Variants in ADARB2 observed in about 807,000 individuals in gnomAD.
ADARB2 encodes the protein inactive double-stranded RNA-specific editase B2.
A neutral mutation model predicts 62.2 loss-of-function variants in ADARB2; 25 were observed. That is an observed-to-expected ratio of 0.40 (90% confidence interval 0.29 to 0.56). ADARB2 has a LOEUF of 0.56. ADARB2 is among the 20% of genes least tolerant of loss of function. The pLI is 0.43. For synonymous variants in ADARB2, 572 were observed against 500.8 expected (o/e 1.14, Z -1.90); for missense variants, 1,071 against 1,077.4 (o/e 0.99, Z 0.08).
chr10:1,727,728 T>C (rs1835184487), intron 1 of ADARB2, among the ~76,000 whole-genome samples: 1 of 152,208 alleles, frequency 6.6e-6, no homozygotes, highest in African/African-American at 2.4e-5. Flanking sequence ...AGGTTATTTT[T>C]GTTCCCTGTT....
intron 1 of ADARB2, among the ~76,000 whole-genome samples, chr10:1,437,986 A>G (rs1830853440): frequency 6.6e-6 from 1 of 152,126 alleles, no homozygotes; most frequent in Admixed American, 6.5e-5. Context: ...GACCCCGTTT[A>G]CTCATGAGAA....
intron 1 of ADARB2, among the ~76,000 whole-genome samples, chr10:1,734,153 C>T (rs1835270305): frequency 1.3e-5 from 2 of 152,008 alleles, no homozygotes; most frequent in Non-Finnish European, 2.9e-5. Flanking sequence ...CAAAATTGTA[C>T]AACACTAGGT....
rs148189638 is a variant in ADARB2, at chr10:1,657,001, T to TTTTG, written c.100+80049_100+80050insCAAA. Among the ~76,000 whole-genome samples, 57 of 148,712 alleles carry TTTTG rather than the reference T, an allele frequency of 3.8e-4. 1 individual carries two copies. Among genetic ancestry groups the TTTTG allele is most frequent in the Non-Finnish European group, 7.2e-4 (48 of 67,108 alleles). On this transcript the variant is annotated intron_variant, in intron 1 of 9. Coordinates refer to ENST00000381312, the MANE Select transcript of ADARB2 (RefSeq NM_018702.4). ...AAAGCAGTGGTACCCATCTAGTGTT[T>TTTTG]TGTGTGTGTGTGTGTGTGTGTGTGT...
chr10:1,579,419 T>C (rs184471971), intron 1 of ADARB2, among the ~76,000 whole-genome samples: 146 of 152,316 alleles, frequency 9.6e-4, no homozygotes, highest in African/African-American at 3.3e-3. Context: ...AACAGCAAGT[T>C]AATCATCAGT....
chr10:1,466,549 C>T (rs1160330001), intron 1 of ADARB2, among the ~76,000 whole-genome samples: 1 of 152,156 alleles, frequency 6.6e-6, no homozygotes, highest in Non-Finnish European at 1.5e-5. Context: ...GGGAACCTCA[C>T]CTAGTGGCTA....
chr10:1,552,320 G>C (rs987809780), intron 1 of ADARB2, among the ~76,000 whole-genome samples: 1 of 152,228 alleles, frequency 6.6e-6, no homozygotes, highest in Non-Finnish European at 1.5e-5. Context: ...TCTCTGGCTA[G>C]TTTGGGGCCC....
At chr10:1,615,359 C>T (rs767975461) in intron 1 of ADARB2, among the ~76,000 whole-genome samples, 8 of 152,222 alleles carry the variant, frequency 5.3e-5, no homozygotes, top group Non-Finnish European at 1.0e-4. Flanking sequence ...CTGGGCATCC[C>T]CTCCAGCCCA....
intron 1 of ADARB2, among the ~76,000 whole-genome samples, chr10:1,634,857 T>C (rs115008174): frequency 0.016 from 2,478 of 152,324 alleles, 62 homozygotes; most frequent in African/African-American, 0.052. Context: ...AATAAGCTTT[T>C]CATAAAACCA....
At position 1,605,847 on chromosome 10, in the gene ADARB2, C is replaced by A. The variant is rs372474730; in HGVS notation, c.100+131204G>T. Among the ~76,000 whole-genome samples the A allele has an allele frequency of 5.9e-5, 9 of 152,266 alleles. No individual in the cohort carries two copies. In the East Asian group the frequency reaches 1.2e-3, roughly 20 times the overall value. ...ACTTAGAGAACGTTAAGAGGACTAG[C>A]AGCCCATTATCTGGCAAATGAATGT... On this transcript the variant is annotated intron_variant, in intron 1 of 9. Coordinates refer to ENST00000381312, the MANE Select transcript of ADARB2 (RefSeq NM_018702.4).
chr10:1,300,428 C>A (rs928708291), intron 3 of ADARB2, among the ~76,000 whole-genome samples: 7 of 152,186 alleles, frequency 4.6e-5, no homozygotes, highest in African/African-American at 1.7e-4. Flanking sequence ...CCTTGGGGCA[C>A]CCCCACGCCT....
intron 1 of ADARB2, among the ~76,000 whole-genome samples, chr10:1,404,586 G>A (rs1479493412): frequency 1.3e-5 from 2 of 152,216 alleles, no homozygotes; most frequent in Non-Finnish European, 2.9e-5. Context: ...AGGTAGAAAA[G>A]TGACCACTTG....
At chr10:1,406,180 C>G (rs1832706817) in intron 1 of ADARB2, among the ~76,000 whole-genome samples, 1 of 152,194 alleles carries the variant, frequency 6.6e-6, no homozygotes, top group African/African-American at 2.4e-5. Context: ...GCTGAAGGAT[C>G]TGTGGATTGC....
Position 1,187,596 on chromosome 10 carries a change from C to T in ADARB2, c.1865-2557G>A, listed in dbSNP as rs1212807255. Among the ~76,000 whole-genome samples, 8 of 152,238 alleles carry T rather than the reference C, an allele frequency of 5.3e-5. No individual in the cohort carries two copies. In the East Asian group the frequency reaches 7.7e-4, roughly 15 times the overall value. ...CCCTCTCCTTTCTCTTTGCGGAGGACGTTGTGGGCAAGTTGCTGCTAGCCC... is the reference window on the plus strand; with the variant it reads ...CCCTCTCCTTTCTCTTTGCGGAGGATGTTGTGGGCAAGTTGCTGCTAGCCC... On this transcript the variant is annotated intron_variant, in intron 8 of 9. Transcript: ENST00000381312.
At chr10:1,548,881 T>C (rs1448531793) in intron 1 of ADARB2, among the ~76,000 whole-genome samples, 2 of 151,800 alleles carry the variant, frequency 1.3e-5, no homozygotes, top group African/African-American at 4.8e-5. Context: ...AAGGGACAAG[T>C]GAGTGGCCAG....
intron 3 of ADARB2, among the ~76,000 whole-genome samples, chr10:1,319,785 TAGAC>T (rs1388031683): frequency 6.6e-6 from 1 of 152,206 alleles, no homozygotes; most frequent in Non-Finnish European, 1.5e-5. Context: ...TTCTGGGAAT[TAGAC>T]AGTATAAATG....
intron 3 of ADARB2, among the ~76,000 whole-genome samples, chr10:1,273,815 G>T (rs1831287740): frequency 6.6e-6 from 1 of 152,194 alleles, no homozygotes. Flanking sequence ...GCCCCATCCT[G>T]CCAGGACCTC....
At chr10:1,309,779 C>A (rs1285700693) in intron 3 of ADARB2, among the ~76,000 whole-genome samples, 1 of 152,126 alleles carries the variant, frequency 6.6e-6, no homozygotes, top group Non-Finnish European at 1.5e-5. Flanking sequence ...TGGGGTGTGG[C>A]CCATCTCCCT....
chr10:1,462,858 G>A (rs1007790550), intron 1 of ADARB2, among the ~76,000 whole-genome samples: 1 of 152,184 alleles, frequency 6.6e-6, no homozygotes, highest in Non-Finnish European at 1.5e-5. Context: ...GTGTATGCAT[G>A]TGTATGTGAA....
chr10:1,565,290 T>C lies in ADARB2; in HGVS notation c.100+171761A>G, dbSNP rs541405314. Among the ~76,000 whole-genome samples, 113 of 152,342 alleles carry C rather than the reference T, an allele frequency of 7.4e-4. 1 individual carries two copies. Among genetic ancestry groups the C allele is most frequent in the African/African-American group, 2.6e-3 (107 of 41,572 alleles). ...CAAGAAACCTCTTATTGTGTCTTTT[T>C]CTGTTTTAATCTAATTCCAGGAAAA... is the stretch of plus-strand genomic sequence containing the variant. On this transcript the variant is annotated intron_variant, in intron 1 of 9. Transcript: ENST00000381312.
Sources: gnomAD v4.1 joint callset for allele counts (sites outside exome capture counted in the v4.1 genomes callset) on GRCh38, gnomAD v4.1.1 for gene constraint, MANE v1.5 for transcripts, NCBI Gene and HGNC (gene_info 2026-07-23, HGNC 2026-07-21) for gene names.